The following LIPC variants were observed in gnomAD, a reference collection of about 807,000 sequenced individuals.
LIPC encodes the protein lipase C, hepatic type.
In LIPC, 44 loss-of-function variants were observed where a neutral mutation model predicts 50.7. The ratio of observed to expected loss-of-function variants is 0.87; its 90% CI spans 0.68 to 1.11. LIPC has a LOEUF of 1.11. Ranked by LOEUF, LIPC falls within the 50% of genes most tolerant of loss-of-function variation. The pLI, the probability that LIPC is intolerant of heterozygous loss-of-function variation, is 0.00. For missense variants in LIPC, 697 were observed against 648.2 expected (o/e 1.08, Z -0.82); for synonymous variants, 271 against 256.4 (o/e 1.06, Z -0.54).
At chr15:58,556,603 T>A (rs1401264205) in intron 6 of LIPC, among the ~76,000 whole-genome samples, 2 of 152,254 alleles carry the variant, frequency 1.3e-5, no homozygotes, top group African/African-American at 4.8e-5. Flanking sequence ...GCAGAGTTGG[T>A]CTCATACTAG....
chr15:58,499,937 C>T (rs777924663), intron 1 of LIPC, among the ~76,000 whole-genome samples: 6 of 152,038 alleles, frequency 3.9e-5, no homozygotes, highest in East Asian at 1.9e-4. Flanking sequence ...AGGTCTGTTT[C>T]GGTAGAAGAC....
intron 5 of LIPC, among the ~76,000 whole-genome samples, 159 bp downstream of exon 5, chr15:58,546,134 T>C (rs552548443): frequency 1.3e-5 from 2 of 152,202 alleles, no homozygotes; most frequent in Non-Finnish European, 2.9e-5. Flanking sequence ...GAAGGAATGC[T>C]GGAGTGGGCA....
At chr15:58,445,736 G>T (rs1893672346) in intron 1 of LIPC, among the ~76,000 whole-genome samples, 6 of 152,176 alleles carry the variant, frequency 3.9e-5, no homozygotes, top group Admixed American at 3.3e-4. Flanking sequence ...ATCACTCAAG[G>T]CCTGCAGACC....
chr15:58,505,364 A>G (rs1051910891), intron 1 of LIPC, among the ~76,000 whole-genome samples: 1 of 152,218 alleles, frequency 6.6e-6, no homozygotes, highest in African/African-American at 2.4e-5. Context: ...GTGGGATAAT[A>G]AAAGATTCAT....
intron 7 of LIPC, among the ~76,000 whole-genome samples, chr15:58,561,731 G>GCTATA (rs1387963779): frequency 5.3e-5 from 8 of 152,166 alleles, no homozygotes; most frequent in African/African-American, 1.9e-4. Flanking sequence ...GTCATGTGAT[G>GCTATA]CTATACTAGA....
intron 1 of LIPC, among the ~76,000 whole-genome samples, chr15:58,472,622 A>G (rs370655973): frequency 1.3e-5 from 2 of 152,058 alleles, no homozygotes; most frequent in East Asian, 1.9e-4. Context: ...AGGGGCTCAC[A>G]GCCTGTGGGA....
Position 58,563,574 on chromosome 15 carries a change from G to A in LIPC, c.1239G>A (p.Leu413=), listed in dbSNP as rs768698931. The change falls in exon 8 of 9, where the codon CTG becomes CTA. Residue 413 remains leucine (L), a synonymous_variant. Coordinates refer to ENST00000299022, the MANE Select transcript of LIPC (RefSeq NM_000236.3). ...LITLDVDIGE[L]IMIKFKWENS... ...CGCTGGATGTGGATATCGGCGAGCT[G>A]ATCATGATCAAGTTCAAGTGGGAAA... The A allele has an allele frequency of 6.2e-7, 1 of 1,614,160 alleles. No individual in the cohort carries two copies. Among genetic ancestry groups the A allele is most frequent in the Non-Finnish European group, 8.5e-7 (1 of 1,180,032 alleles).
At chr15:58,538,538 GT>G in intron 2 of LIPC, 21 bp downstream of exon 2, 1 of 1,610,068 alleles carries the variant, frequency 6.2e-7, no homozygotes, top group African/African-American at 1.3e-5. Flanking sequence ...CTGACATGCC[GT>G]TTTTCTCTCC....
In LIPC at chr15:58,495,794, A is replaced by G. The variant is rs79596035; in HGVS notation, c.89-42539A>G. On this transcript the variant is annotated intron_variant, in intron 1 of 8. Transcript: ENST00000299022. Reference sequence around the variant, plus strand: ...TAATCACAGGCCCTGTTTATTTTACACACAGTCAGCATCTACAAGTCTTTG... The same window carrying G: ...TAATCACAGGCCCTGTTTATTTTACGCACAGTCAGCATCTACAAGTCTTTG... Among the ~76,000 whole-genome samples, 778 of 152,308 alleles carry G rather than the reference A, an allele frequency of 5.1e-3. 6 individuals are homozygous for G. Among genetic ancestry groups the G allele is most frequent in the African/African-American group, 0.018 (744 of 41,566 alleles).
At chr15:58,493,224 C>T (rs977772816) in intron 1 of LIPC, among the ~76,000 whole-genome samples, 6 of 152,118 alleles carry the variant, frequency 3.9e-5, no homozygotes, top group Non-Finnish European at 7.3e-5. Flanking sequence ...ACTAGCAAGG[C>T]GAGGAGGTTC....
intron 1 of LIPC, among the ~76,000 whole-genome samples, chr15:58,503,250 T>G (rs1892044193): frequency 1.3e-5 from 2 of 152,300 alleles, no homozygotes; most frequent in South Asian, 4.1e-4. Context: ...CAAGATTTTA[T>G]TTGTCTTCCT....
chr15:58,519,701 G>C (rs749163433), intron 1 of LIPC, among the ~76,000 whole-genome samples: 16 of 152,208 alleles, frequency 1.1e-4, no homozygotes, highest in Non-Finnish European at 1.5e-4. Flanking sequence ...GCGCAGTTTT[G>C]ATTAAACAGT....
chr15:58,516,027 T>G (rs1042716464), intron 1 of LIPC, among the ~76,000 whole-genome samples: 1 of 152,288 alleles, frequency 6.6e-6, no homozygotes, highest in Admixed American at 6.5e-5. Context: ...TGTTTCTTGC[T>G]GACACCTGGC....
intron 1 of LIPC, among the ~76,000 whole-genome samples, chr15:58,444,423 C>T (rs768503551): frequency 7.9e-5 from 12 of 152,160 alleles, no homozygotes; most frequent in Non-Finnish European, 1.3e-4. Flanking sequence ...CATGGTCACT[C>T]GATATTCACA....
chr15:58,444,280 G>C (rs1337927096), intron 1 of LIPC, among the ~76,000 whole-genome samples: 1 of 152,248 alleles, frequency 6.6e-6, no homozygotes, highest in Non-Finnish European at 1.5e-5. Context: ...GCACTCGTGA[G>C]TGAGCCTATC....
chr15:58,567,339 GTATATGTAT>G (rs1894420003), intron 8 of LIPC, among the ~76,000 whole-genome samples: 1 of 17,440 alleles, frequency 5.7e-5, no homozygotes, highest in Non-Finnish European at 1.2e-4. Flanking sequence ...ATATATATAT[GTATATGTAT>G]ATATATATAT....
At chr15:58,469,555 C>T (rs571417945) in intron 1 of LIPC, among the ~76,000 whole-genome samples, 2 of 152,360 alleles carry the variant, frequency 1.3e-5, no homozygotes, top group South Asian at 4.1e-4. Flanking sequence ...CATTTTCCAA[C>T]CTGGCTCAGG....
At chr15:58,504,687 G>C (rs931951557) in intron 1 of LIPC, among the ~76,000 whole-genome samples, 1 of 152,168 alleles carries the variant, frequency 6.6e-6, no homozygotes, top group Non-Finnish European at 1.5e-5. Flanking sequence ...AAATGTATCA[G>C]AAGAAAGGAA....
intron 1 of LIPC, among the ~76,000 whole-genome samples, chr15:58,466,442 C>G (rs1894567194): frequency 6.6e-6 from 1 of 152,308 alleles, no homozygotes; most frequent in African/African-American, 2.4e-5. Flanking sequence ...CCACTTAGCT[C>G]TCTGGGCCTG....
Sources: allele counts gnomAD v4.1 joint callset (sites outside exome capture counted in the v4.1 genomes callset), GRCh38; gene constraint gnomAD v4.1.1; transcripts MANE v1.5; gene names NCBI Gene and HGNC (gene_info 2026-07-23, HGNC 2026-07-21).